Variants in CPSF3 observed in about 807,000 individuals in gnomAD.
CPSF3 encodes the protein cleavage and polyadenylation specificity factor subunit 3.
In CPSF3, 57 loss-of-function variants were observed where a neutral mutation model predicts 84.1. The observed-to-expected ratio is 0.68, with a 90% CI of 0.55 to 0.85. The LOEUF is 0.85. Among genes scored for constraint, CPSF3 ranks in the 40% least tolerant of loss-of-function variants. CPSF3 has a pLI of 0.00. For synonymous variants in CPSF3, 275 were observed against 278.1 expected, an observed-to-expected ratio of 0.99 and a Z score of 0.11; for missense variants, 522 against 838.8, an observed-to-expected ratio of 0.62 and a Z score of 4.66.
At chr2:9,454,888 G>A (rs867638713) in intron 12 of CPSF3, among the ~76,000 whole-genome samples, 10 of 152,012 alleles carry the variant, frequency 6.6e-5, no homozygotes, top group African/African-American at 1.7e-4. Context: ...CTTGAAATCT[G>A]TCTAATGAGG....
chr2:9,470,196 TG>T lies in CPSF3; in HGVS notation c.1857-1144del, dbSNP rs1558468523. ...GAGATCGGGACACTGCACTCCAGCC[TG>T]GGCAACAAGCAAGACTCCGTCTCAA... On this transcript the variant is annotated intron_variant, in intron 16 of 17. Transcript: ENST00000238112. Among the ~76,000 whole-genome samples the T allele has an allele frequency of 2.0e-5, 3 of 152,346 alleles. No homozygotes were observed. In the East Asian group the frequency reaches 5.8e-4, roughly 29 times the overall value.
chr2:9,460,295 G>A (rs1424878864), intron 15 of CPSF3, among the ~76,000 whole-genome samples: 1 of 152,152 alleles, frequency 6.6e-6, no homozygotes, highest in African/African-American at 2.4e-5. Flanking sequence ...TGGGCATGGT[G>A]GCGGGCACCT....
intron 17 of CPSF3, among the ~76,000 whole-genome samples, chr2:9,472,123 G>C (rs1682191397): frequency 6.6e-6 from 1 of 151,502 alleles, no homozygotes; most frequent in Admixed American, 6.6e-5. Context: ...AGACCAGCCT[G>C]GCCAACATGA....
chr2:9,438,686 A>G (rs1274964827), intron 7 of CPSF3, among the ~76,000 whole-genome samples: 1 of 151,770 alleles, frequency 6.6e-6, no homozygotes, highest in African/African-American at 2.4e-5. Context: ...AGTAGAGACG[A>G]GGTTTCACCA....
Position 9,428,827 on chromosome 2 carries a change from T to A in CPSF3, c.113T>A (p.Met38Lys), listed in dbSNP as rs921441469. The part of the protein sequence containing the change: ...IILEFKGRKI[M>K]LDCGIHPGLE... Reference sequence around the variant, plus strand: ...CTCGAGTTCAAAGGAAGAAAAATAATGGTAATTACTATTTTTGTACTCAGT... The same window carrying A: ...CTCGAGTTCAAAGGAAGAAAAATAAAGGTAATTACTATTTTTGTACTCAGT... The change falls in exon 2 of 18, where the codon ATG becomes AAG. Residue 38 changes from methionine (M) to lysine (K), a missense_variant and splice_region_variant. Around this residue, in one of 2 missense-constraint regions of CPSF3, gnomAD observed 329 missense variants for 607.2 expected, o/e 0.54. Transcript: ENST00000238112. 1.3e-6 allele frequency: 2 copies of A among 1,559,976 alleles called. No homozygotes were observed. Among genetic ancestry groups the A allele is most frequent in the Non-Finnish European group, 1.8e-6 (2 of 1,130,990 alleles).
intron 14 of CPSF3, 126 bp from the exon 15 acceptor site, chr2:9,459,405 T>C (rs1340213054): frequency 1.4e-6 from 1 of 699,674 alleles, no homozygotes; most frequent in Non-Finnish European, 2.6e-6. Context: ...GTCAGTTAAT[T>C]TCATTGAAAA....
chr2:9,463,109 A>G (rs1363703736), intron 15 of CPSF3, among the ~76,000 whole-genome samples: 18 of 152,236 alleles, frequency 1.2e-4, no homozygotes, highest in Admixed American at 1.2e-3. Flanking sequence ...AGGATCTGAC[A>G]TTCTGGCATG....
chr2:9,472,006 C>CAAAAAA (rs35342941), intron 17 of CPSF3, among the ~76,000 whole-genome samples: 3 of 97,190 alleles, frequency 3.1e-5, no homozygotes, highest in Non-Finnish European at 3.9e-5. Flanking sequence ...ACTCTGTCTC[C>CAAAAAA]AAAAAAAAAA....
chr2:9,458,391 G>A (rs1476033584), intron 14 of CPSF3, among the ~76,000 whole-genome samples: 5 of 152,082 alleles, frequency 3.3e-5, no homozygotes, highest in African/African-American at 9.7e-5. Context: ...GTGACAGAGC[G>A]AGACGCTGTC....
intron 15 of CPSF3, among the ~76,000 whole-genome samples, chr2:9,466,180 G>GCACACACACGCGCT (rs1681903244): frequency 6.7e-6 from 1 of 150,210 alleles, no homozygotes; most frequent in Non-Finnish European, 1.5e-5. Context: ...GTCTCTACAC[G>GCACACACACGCGCT]CACACACACA....
chr2:9,465,526 A>G (rs2124866619), intron 15 of CPSF3, among the ~76,000 whole-genome samples: 1 of 151,362 alleles, frequency 6.6e-6, no homozygotes, highest in Non-Finnish European at 1.5e-5. Flanking sequence ...TATTTCTGGT[A>G]TTTTCCCCCA....
chr2:9,432,237 A>C (rs1272367004), intron 4 of CPSF3, among the ~76,000 whole-genome samples: 1 of 152,168 alleles, frequency 6.6e-6, no homozygotes, highest in African/African-American at 2.4e-5. Context: ...ATTTTGTCTT[A>C]ATTTATTGTA....
chr2:9,457,145 ATATGTG>A, intron 14 of CPSF3, 118 bp downstream of exon 14: 11 of 475,232 alleles, frequency 2.3e-5, no homozygotes, highest in South Asian at 9.4e-5. Context: ...GTTGGAAAGT[ATATGTG>A]TGTGTGTGTG....
At chr2:9,426,504 CAGA>C (rs951575938) in intron 1 of CPSF3, among the ~76,000 whole-genome samples, 1 of 152,136 alleles carries the variant, frequency 6.6e-6, no homozygotes, top group Admixed American at 6.5e-5. Context: ...GTCTAGAATT[CAGA>C]AGAACAATCT....
chr2:9,464,352 A>G (rs929070488), intron 15 of CPSF3, among the ~76,000 whole-genome samples: 1 of 151,998 alleles, frequency 6.6e-6, no homozygotes, highest in African/African-American at 2.4e-5. Context: ...TTGCAAATAT[A>G]TATATACATA....
intron 8 of CPSF3, among the ~76,000 whole-genome samples, chr2:9,441,397 T>C (rs1288734881): frequency 6.6e-6 from 1 of 152,262 alleles, no homozygotes; most frequent in African/African-American, 2.4e-5. Flanking sequence ...TTAAACCTTT[T>C]GATTTCCAGG....
intron 16 of CPSF3, among the ~76,000 whole-genome samples, chr2:9,468,378 C>T (rs896032082): frequency 4.6e-5 from 7 of 152,076 alleles, no homozygotes; most frequent in African/African-American, 7.2e-5. Context: ...AGGCTCGCAA[C>T]ACCATGCCCA....
At chr2:9,448,128 A>T in intron 10 of CPSF3, 70 bp from the exon 11 acceptor site, 1 of 807,088 alleles carries the variant, frequency 1.2e-6, no homozygotes, top group Non-Finnish European at 1.9e-6. Context: ...CATATATTTA[A>T]TTCAACTTAA....
chr2:9,459,767 A>C (rs1681670769), intron 15 of CPSF3, 149 bp downstream of exon 15: 1 of 510,188 alleles, frequency 2.0e-6, no homozygotes. Context: ...CTCCTGCCTC[A>C]GCCTCCCAAG....
Sources: gnomAD v4.1 joint callset for allele counts (sites outside exome capture counted in the v4.1 genomes callset) on GRCh38, gnomAD v4.1.1 for gene constraint, gnomAD v4.1.1 regional missense constraint, MANE v1.5 for transcripts, NCBI Gene and HGNC (gene_info 2026-07-23, HGNC 2026-07-21) for gene names.